SBF2: variants seen among roughly 807,000 people sequenced by gnomAD.
SBF2 encodes SET binding factor 2, also known as myotubularin-related protein 13.
In SBF2, 112 loss-of-function variants were observed where a neutral mutation model predicts 225.2. That is an observed-to-expected ratio of 0.50 (90% CI 0.43 to 0.58). SBF2 has a LOEUF of 0.58. Among genes scored for constraint, SBF2 ranks in the 20% least tolerant of loss-of-function variants. The probability of loss-of-function intolerance (pLI) is 0.00; values close to 1 mark genes in which losing one functional copy is unlikely to be tolerated. For synonymous variants in SBF2, 763 were observed against 773.3 expected, an observed-to-expected ratio of 0.99 and a Z score of 0.22; for missense variants, 1,996 against 2,206.2, an observed-to-expected ratio of 0.90 and a Z score of 1.91.
At position 10,234,771 on chromosome 11, in the gene SBF2, A is replaced by G. The variant is rs192044073; in HGVS notation, c.56-40784T>C. The stretch of plus-strand genomic sequence containing the variant: ...CTCAAAGGAATAATCCTCCATCTCT[A>G]TGATGAAAAGAATGCATGCATCCAA... On this transcript the variant is annotated intron_variant, in intron 1 of 39. Transcript: ENST00000256190. Among the ~76,000 whole-genome samples the G allele has an allele frequency of 2.6e-5, 4 of 152,332 alleles. No individual in the cohort carries two copies. The East Asian group carries it at 5.8e-4, about 22-fold the overall frequency.
intron 2 of SBF2, among the ~76,000 whole-genome samples, chr11:10,116,147 C>T (rs1254792060): frequency 1.3e-5 from 2 of 151,758 alleles, no homozygotes; most frequent in Admixed American, 6.6e-5. Flanking sequence ...CCAGCCTGGG[C>T]GACAGAGCGA....
At position 10,070,559 on chromosome 11, in the gene SBF2, T is replaced by C. The variant is rs200967901; in HGVS notation, c.142-27578A>G. 3.9e-5 allele frequency among the ~76,000 whole-genome samples: 6 copies of C among 152,382 alleles called. No homozygotes were observed. In the East Asian group the frequency reaches 5.8e-4, roughly 15 times the overall value. ...CAGCACCATGCTGTTTTGGTTACTA[T>C]AGCCTTGTAGTATAGTTTGAAGTCA... is the stretch of plus-strand genomic sequence containing the variant. On this transcript the variant is annotated intron_variant, in intron 2 of 39. Coordinates refer to ENST00000256190, the MANE Select transcript of SBF2 (RefSeq NM_030962.4).
chr11:9,853,536 T>C lies in SBF2; in HGVS notation c.2536+4A>G. The C allele has an allele frequency of 1.2e-6, 2 of 1,612,968 alleles. No homozygotes were observed. The highest frequency in any genetic ancestry group is 1.7e-6 in the Non-Finnish European group (2 of 1,178,990). ...TGATTCTCTAATATCTGCAGAGTGA[T>C]TACCTGGTATCATGCAATGAAGGCT... On this transcript the variant is annotated splice_donor_region_variant and intron_variant, in intron 20 of 39. Coordinates refer to ENST00000256190, the MANE Select transcript of SBF2 (RefSeq NM_030962.4).
chr11:9,999,550 GACCTCAGGTGATCCGCCTGCCTTGGCC>G (rs2134501811), intron 8 of SBF2, among the ~76,000 whole-genome samples: 1 of 152,136 alleles, frequency 6.6e-6, no homozygotes, highest in Admixed American at 6.5e-5. Context: ...TCAAACTCCT[GACCTCAGGTGATCCGCCTGCCTTGGCC>G]TCCCGAAGTG....
intron 1 of SBF2, among the ~76,000 whole-genome samples, chr11:10,284,130 GAATT>G (rs751438163): frequency 3.9e-5 from 6 of 152,102 alleles, no homozygotes; most frequent in Non-Finnish European, 7.4e-5. Flanking sequence ...ACAATTGTAA[GAATT>G]AATACAGAAA....
chr11:10,175,614 G>A (rs1039291121), intron 2 of SBF2, among the ~76,000 whole-genome samples: 1 of 150,816 alleles, frequency 6.6e-6, no homozygotes, highest in Admixed American at 6.6e-5. Flanking sequence ...GAGACAGAAA[G>A]TCAACAAGGA....
At chr11:10,279,103 T>C (rs1475978155) in intron 1 of SBF2, among the ~76,000 whole-genome samples, 8 of 46,816 alleles carry the variant, frequency 1.7e-4, no homozygotes, top group Admixed American at 1.0e-3. Flanking sequence ...CCCGGTCTTG[T>C]ATTAAAAAAA....
At chr11:10,036,587 C>A (rs1219549418) in intron 3 of SBF2, among the ~76,000 whole-genome samples, 1 of 152,038 alleles carries the variant, frequency 6.6e-6, no homozygotes, top group Non-Finnish European at 1.5e-5. Context: ...AAAATCTATG[C>A]TACCTACTTC....
chr11:9,820,721 T>C (rs796809850), intron 28 of SBF2, among the ~76,000 whole-genome samples: 9 of 152,328 alleles, frequency 5.9e-5, no homozygotes, highest in African/African-American at 1.9e-4. Context: ...TATTTGAACT[T>C]TGATCACATT....
intron 1 of SBF2, among the ~76,000 whole-genome samples, chr11:10,254,939 A>AAAAAAAAAAAAAAAAAT (rs1960737355): frequency 8.8e-6 from 1 of 113,920 alleles, no homozygotes; most frequent in African/African-American, 3.2e-5. Flanking sequence ...AAAAAAAAAA[A>AAAAAAAAAAAAAAAAAT]TCCTATTATT....
intron 6 of SBF2, among the ~76,000 whole-genome samples, chr11:10,007,157 C>T (rs1042285253): frequency 3.3e-5 from 5 of 152,090 alleles, no homozygotes; most frequent in East Asian, 3.9e-4. Context: ...GTGAAAAGGG[C>T]GTACCGAAGT....
chr11:10,134,855 G>A (rs774054095), intron 2 of SBF2, among the ~76,000 whole-genome samples: 6 of 152,118 alleles, frequency 3.9e-5, no homozygotes, highest in Non-Finnish European at 7.3e-5. Flanking sequence ...GCAAGCTGTC[G>A]GTGGATCTAC....
intron 16 of SBF2, among the ~76,000 whole-genome samples, chr11:9,939,307 A>AG (rs1002589489): frequency 2.0e-4 from 30 of 152,190 alleles, no homozygotes; most frequent in African/African-American, 6.7e-4. Flanking sequence ...CACCTTGGCC[A>AG]GGCTGGTGTT....
At chr11:10,088,406 G>A (rs1411319621) in intron 2 of SBF2, among the ~76,000 whole-genome samples, 1 of 152,114 alleles carries the variant, frequency 6.6e-6, no homozygotes, top group Non-Finnish European at 1.5e-5. Context: ...TATATCCACA[G>A]TGTCTTCATC....
intron 38 of SBF2, among the ~76,000 whole-genome samples, chr11:9,782,125 C>T (rs938033028): frequency 2.7e-5 from 4 of 150,904 alleles, no homozygotes; most frequent in Admixed American, 1.3e-4. Context: ...GGTCGAGCTG[C>T]AGTGAGCTGA....
intron 2 of SBF2, among the ~76,000 whole-genome samples, chr11:10,086,369 T>A (rs1951566190): frequency 6.6e-6 from 1 of 152,166 alleles, no homozygotes; most frequent in African/African-American, 2.4e-5. Flanking sequence ...TCTTACTGAT[T>A]CTAAGTGGAC....
intron 2 of SBF2, among the ~76,000 whole-genome samples, chr11:10,116,561 T>G (rs913385411): frequency 6.6e-6 from 1 of 152,242 alleles, no homozygotes; most frequent in East Asian, 1.9e-4. Flanking sequence ...GAATCTATAA[T>G]GGTTTCCCAC....
intron 1 of SBF2, among the ~76,000 whole-genome samples, chr11:10,256,629 A>C (rs1402464841): frequency 6.6e-6 from 1 of 152,214 alleles, no homozygotes; most frequent in African/African-American, 2.4e-5. Context: ...CATTTGGATT[A>C]TAAACCAAAA....
intron 1 of SBF2, among the ~76,000 whole-genome samples, chr11:10,206,177 C>T (rs1591211199): frequency 6.6e-6 from 1 of 151,378 alleles, no homozygotes; most frequent in African/African-American, 2.4e-5. Context: ...CACCAAGAGA[C>T]ATCAAACAGC....
Sources: gnomAD v4.1 joint callset for allele counts (sites outside exome capture counted in the v4.1 genomes callset) on GRCh38, gnomAD v4.1.1 for gene constraint, MANE v1.5 for transcripts, NCBI Gene and HGNC (gene_info 2026-07-23, HGNC 2026-07-21) for gene names.